CDH12: variants seen among roughly 807,000 people sequenced by gnomAD.
CDH12 encodes the protein cadherin-12.
CDH12 carries 41 observed loss-of-function variants against 74.1 expected under a neutral mutation model. The ratio of observed to expected loss-of-function variants is 0.55; its 90% confidence interval spans 0.43 to 0.72. The LOEUF (loss-of-function observed/expected upper bound fraction) is 0.72, where lower values mean the gene tolerates loss of function less well. Among genes scored for constraint, CDH12 ranks in the 30% least tolerant of loss-of-function variants. The pLI, the probability that CDH12 is intolerant of heterozygous loss-of-function variation, is 0.00. For missense variants in CDH12, 945 were observed against 977.2 expected, an observed-to-expected ratio of 0.97 and a Z score of 0.44; for synonymous variants, 399 against 355.0, an observed-to-expected ratio of 1.12 and a Z score of -1.39.
intron 1 of CDH12, among the ~76,000 whole-genome samples, chr5:22,676,353 T>G (rs768897860): frequency 2.0e-5 from 3 of 152,186 alleles, no homozygotes; most frequent in Non-Finnish European, 4.4e-5. Flanking sequence ...CAAAGTAGCT[T>G]TTGTTCAGAG....
chr5:22,446,783 A>C (rs906356920), intron 2 of CDH12, among the ~76,000 whole-genome samples: 7 of 152,134 alleles, frequency 4.6e-5, no homozygotes, highest in African/African-American at 1.7e-4. Context: ...ACATTTCCAT[A>C]ATATATTGAT....
At chr5:21,847,756 T>G (rs1750253410) in intron 7 of CDH12, among the ~76,000 whole-genome samples, 1 of 152,132 alleles carries the variant, frequency 6.6e-6, no homozygotes, top group Non-Finnish European at 1.5e-5. Context: ...TGGACATACT[T>G]GGGCAATCAC....
intron 3 of CDH12, among the ~76,000 whole-genome samples, chr5:22,389,895 G>A (rs569595806): frequency 1.4e-4 from 22 of 151,948 alleles, no homozygotes; most frequent in African/African-American, 4.1e-4. Context: ...TGATCTGCCC[G>A]CTTCGGTCTC....
chr5:22,718,949 T>G (rs1483079316), intron 1 of CDH12, among the ~76,000 whole-genome samples: 1 of 152,200 alleles, frequency 6.6e-6, no homozygotes, highest in African/African-American at 2.4e-5. Flanking sequence ...ATTTTGAGTC[T>G]TTTCACTATC....
At chr5:21,949,033 T>C (rs1343227114) in intron 6 of CDH12, among the ~76,000 whole-genome samples, 3 of 152,172 alleles carry the variant, frequency 2.0e-5, no homozygotes, top group African/African-American at 7.2e-5. Context: ...ATTAAACATC[T>C]TTCCTTTATG....
intron 1 of CDH12, among the ~76,000 whole-genome samples, chr5:22,518,787 T>G (rs963144773): frequency 5.9e-5 from 9 of 152,124 alleles, no homozygotes; most frequent in African/African-American, 1.9e-4. Context: ...AGGAGTGCCT[T>G]TGGTAAACAC....
At chr5:21,967,918 C>T (rs1234858490) in intron 6 of CDH12, among the ~76,000 whole-genome samples, 4 of 152,264 alleles carry the variant, frequency 2.6e-5, no homozygotes, top group South Asian at 4.1e-4. Context: ...AGCGACTCAG[C>T]AGATTGTGAA....
intron 6 of CDH12, among the ~76,000 whole-genome samples, chr5:21,857,794 C>A (rs184444343): frequency 1.4e-3 from 219 of 151,904 alleles, no homozygotes; most frequent in African/African-American, 5.1e-3. Context: ...AACAAAATAC[C>A]ACAGGCTGGG....
At chr5:22,373,385 C>T (rs1580578443) in intron 3 of CDH12, among the ~76,000 whole-genome samples, 2 of 152,304 alleles carry the variant, frequency 1.3e-5, no homozygotes, top group Non-Finnish European at 2.9e-5. Context: ...ATATCACCCA[C>T]ATCACACCAT....
At chr5:22,742,924 C>A (rs1303944511) in intron 1 of CDH12, among the ~76,000 whole-genome samples, 2 of 151,818 alleles carry the variant, frequency 1.3e-5, no homozygotes, top group Non-Finnish European at 2.9e-5. Context: ...ATGAGATTAA[C>A]ATTTAAATGG....
chr5:22,723,039 T>C (rs924388479), intron 1 of CDH12, among the ~76,000 whole-genome samples: 2 of 152,170 alleles, frequency 1.3e-5, no homozygotes, highest in Non-Finnish European at 1.5e-5. Context: ...TGAGGAGCAA[T>C]ATAACTCAAT....
chr5:22,535,225 G>A (rs1208317923), intron 1 of CDH12, among the ~76,000 whole-genome samples: 3 of 148,340 alleles, frequency 2.0e-5, no homozygotes, highest in Non-Finnish European at 3.0e-5. Flanking sequence ...CGCGGTCTTG[G>A]CTCAATGCAA....
chr5:22,059,341 A>ATCG (rs1386985377), intron 5 of CDH12, among the ~76,000 whole-genome samples: 235 of 42,660 alleles, frequency 5.5e-3, no homozygotes, highest in Admixed American at 0.013. Context: ...TCTATCATCT[A>ATCG]TCTATCTATC....
intron 1 of CDH12, among the ~76,000 whole-genome samples, chr5:22,759,932 G>T (rs1215372169): frequency 6.6e-6 from 1 of 152,162 alleles, no homozygotes; most frequent in Admixed American, 6.5e-5. Flanking sequence ...CTAGAGGGAG[G>T]TCACTCTTTT....
chr5:22,296,207 T>C (rs1320704988), intron 3 of CDH12, among the ~76,000 whole-genome samples: 2 of 152,034 alleles, frequency 1.3e-5, no homozygotes, highest in Non-Finnish European at 2.9e-5. Context: ...AAATTAATTG[T>C]TGATTTTAGC....
chr5:22,624,495 T>C (rs372109554), intron 1 of CDH12, among the ~76,000 whole-genome samples: 2 of 152,030 alleles, frequency 1.3e-5, no homozygotes, highest in African/African-American at 4.8e-5. Context: ...AAAATGTGGA[T>C]GAAGGATATG....
At chr5:22,732,050 C>T (rs1328898512) in intron 1 of CDH12, among the ~76,000 whole-genome samples, 5 of 151,790 alleles carry the variant, frequency 3.3e-5, no homozygotes, top group African/African-American at 9.7e-5. Context: ...CTTCTGTTTG[C>T]TACAGCTGCA....
chr5:22,014,483 T>C (rs1314822191), intron 5 of CDH12, among the ~76,000 whole-genome samples: 1 of 152,140 alleles, frequency 6.6e-6, no homozygotes, highest in South Asian at 2.1e-4. Context: ...ATATCTAGAA[T>C]GTATATTGTG....
chr5:22,388,765 T>C (rs992062223), intron 3 of CDH12, among the ~76,000 whole-genome samples: 1 of 152,168 alleles, frequency 6.6e-6, no homozygotes, highest in Non-Finnish European at 1.5e-5. Context: ...AATCTAAATG[T>C]TAACGTAAAT....
Sources: gnomAD v4.1 joint callset for allele counts (sites outside exome capture counted in the v4.1 genomes callset) on GRCh38, gnomAD v4.1.1 for gene constraint, MANE v1.5 for transcripts, NCBI Gene and HGNC (gene_info 2026-07-23, HGNC 2026-07-21) for gene names.